Variants in RELN observed in about 807,000 individuals in gnomAD.
The protein encoded by RELN is reelin.
RELN carries 108 observed loss-of-function variants against 427.6 expected under a neutral mutation model. The observed-to-expected ratio is 0.25, with a 90% confidence interval of 0.22 to 0.30. The LOEUF (loss-of-function observed/expected upper bound fraction) is 0.30, where lower values mean the gene tolerates loss of function less well. RELN is among the 10% of genes least tolerant of loss of function. RELN has a pLI of 1.00. For synonymous variants in RELN, 1,524 were observed against 1,513.4 expected (o/e 1.01, Z -0.16); for missense variants, 3,715 against 4,302.8 (o/e 0.86, Z 3.82).
At chr7:103,652,979 G>T (rs1299641709) in intron 13 of RELN, among the ~76,000 whole-genome samples, 1 of 152,026 alleles carries the variant, frequency 6.6e-6, no homozygotes, top group South Asian at 2.1e-4. Flanking sequence ...CGAGGTGGGG[G>T]TCTCTGCGTG....
At chr7:103,717,796 A>G (rs1467381387) in intron 8 of RELN, among the ~76,000 whole-genome samples, 2 of 152,032 alleles carry the variant, frequency 1.3e-5, no homozygotes, top group African/African-American at 2.4e-5. Context: ...AAAAAATGAG[A>G]ATCTAATTTT....
chr7:103,930,673 C>T (rs1171303369), intron 1 of RELN, among the ~76,000 whole-genome samples: 1 of 152,016 alleles, frequency 6.6e-6, no homozygotes, highest in Non-Finnish European at 1.5e-5. Context: ...AGATATGTGG[C>T]CCAGGCTGGT....
At chr7:103,723,329 G>A (rs1028242783) in intron 7 of RELN, 138 bp from the exon 8 acceptor site, 5 of 667,470 alleles carry the variant, frequency 7.5e-6, no homozygotes, top group Middle Eastern at 3.0e-4. Flanking sequence ...CATTTATCCA[G>A]TTGTTAGTTC....
rs918696581 is a variant in RELN, at chr7:103,626,800, T to G, written c.2702+3140A>C. Among the ~76,000 whole-genome samples, 2 of 152,118 alleles carry G rather than the reference T, an allele frequency of 1.3e-5. No homozygotes were observed. The highest frequency in any genetic ancestry group is 3.2e-3 in the Middle Eastern group (1 of 316). On this transcript the variant is annotated intron_variant, in intron 20 of 64. Coordinates refer to ENST00000428762, the MANE Select transcript of RELN (RefSeq NM_005045.4). This position sits in a 1 kb window ranked among gnomAD's most constrained non-coding sequence, Gnocchi z 4.4. Reference sequence around the variant, plus strand: ...AGATGCAATATTTAATAAACTTCAATTAGAATTTTTCCCTTACTGATCTTA... The same window carrying G: ...AGATGCAATATTTAATAAACTTCAAGTAGAATTTTTCCCTTACTGATCTTA...
At chr7:103,729,858 C>T (rs1376468612) in intron 6 of RELN, among the ~76,000 whole-genome samples, 1 of 151,914 alleles carries the variant, frequency 6.6e-6, no homozygotes, top group Non-Finnish European at 1.5e-5. Context: ...GTTATTATTG[C>T]TAAGAATTTC....
rs1293048613 is a variant in RELN at position 103,824,641 on chromosome 7, T to C, written c.473+8896A>G. Among the ~76,000 whole-genome samples the C allele has an allele frequency of 1.7e-5, 2 of 120,938 alleles. No individual in the cohort carries two copies. Among genetic ancestry groups the C allele is most frequent in the African/African-American group, 2.9e-5 (1 of 34,484 alleles). The allele number at this position is 120,938 out of a possible 152,430, so 79.3% of individuals were successfully genotyped here. On this transcript the variant is annotated intron_variant, in intron 3 of 64. Transcript: ENST00000428762. The surrounding 1 kb of genome is among the most constrained non-coding windows in gnomAD (Gnocchi z 4.4). ...TTTCAAAACAGAGTGTGTGTGTGTG[T>C]GTGTGTGTGTGTGTGTGTGTGTGTG...
At chr7:103,630,863 T>TTG (rs1562930991) in intron 19 of RELN, among the ~76,000 whole-genome samples, 1 of 149,294 alleles carries the variant, frequency 6.7e-6, no homozygotes. Context: ...TTTTTTTGTT[T>TTG]TTTTTTTTTT....
chr7:103,782,567 T>C (rs1395165603), intron 3 of RELN, among the ~76,000 whole-genome samples: 1 of 152,060 alleles, frequency 6.6e-6, no homozygotes, highest in Admixed American at 6.6e-5. Context: ...AAAAAGAAAT[T>C]ATCCCCCACA....
At chr7:103,697,822 A>G in intron 10 of RELN, 31 bp downstream of exon 10, 1 of 1,613,218 alleles carries the variant, frequency 6.2e-7, no homozygotes, top group Non-Finnish European at 8.5e-7. Flanking sequence ...TGAAGGATTA[A>G]AACAACCCAA....
chr7:103,696,097 A>G (rs951589114), intron 10 of RELN, among the ~76,000 whole-genome samples: 14 of 152,228 alleles, frequency 9.2e-5, no homozygotes, highest in Admixed American at 2.6e-4. Context: ...CTATTATTAA[A>G]AGGAGGTGAG....
intron 8 of RELN, among the ~76,000 whole-genome samples, chr7:103,705,331 C>A (rs542694683): frequency 6.6e-6 from 1 of 152,078 alleles, no homozygotes; most frequent in East Asian, 1.9e-4. Context: ...TCGAATGACA[C>A]CACCCCAAAT....
intron 19 of RELN, among the ~76,000 whole-genome samples, chr7:103,632,438 A>G (rs1331858311): frequency 6.6e-6 from 1 of 152,198 alleles, no homozygotes; most frequent in Admixed American, 6.5e-5. Flanking sequence ...CAGAGGCACA[A>G]GGAGGTTAAA....
chr7:103,654,190 G>T lies in RELN; in HGVS notation c.1457C>A (p.Pro486His). 1 of 1,610,314 alleles carries T rather than the reference G, an allele frequency of 6.2e-7. No individual in the cohort carries two copies. Among genetic ancestry groups the T allele is most frequent in the Non-Finnish European group, 8.5e-7 (1 of 1,177,122 alleles). ...TATGTCATTTTCATGAGAATTTCCA[G>T]GGTCACAAATTCCTCCTGCACAAAA... The part of the protein sequence containing the change: ...FYFVMGGICD[P>H]GNSHENDIIL... The change falls in exon 13 of 65, where the codon CCT becomes CAT. Residue 486 changes from proline to histidine, a missense_variant. By Grantham distance (77) the Pro-to-His change is moderately conservative (BLOSUM62 -2). This residue lies in a region of RELN where 2,208 missense variants were observed against 2,361.7 expected (regional missense o/e 0.93). Transcript: ENST00000428762.
intron 8 of RELN, among the ~76,000 whole-genome samples, chr7:103,707,876 A>G (rs528201127): frequency 3.3e-5 from 5 of 152,320 alleles, no homozygotes; most frequent in African/African-American, 1.2e-4. Flanking sequence ...TAAAGTTACA[A>G]TTTTACCATA....
chr7:103,759,990 CTTTTTTTTTTTTTTTTTT>C (rs57019839), intron 4 of RELN, among the ~76,000 whole-genome samples: 7 of 64,912 alleles, frequency 1.1e-4, no homozygotes, highest in South Asian at 1.1e-3. Flanking sequence ...CACAGTCATA[CTTTTTTTTTTTTTTTTTT>C]TTTTTTTTTT....
rs1251584173 is a variant in RELN at position 103,640,041 on chromosome 7, T to C, written c.2069+502A>G. 6.6e-6 allele frequency among the ~76,000 whole-genome samples: 1 copy of C among 152,196 alleles called. No homozygotes were observed. The highest frequency in any genetic ancestry group is 1.5e-5 in the Non-Finnish European group (1 of 68,036). ...CATTGTTTTGTAAAATACTTTATAA[T>C]TTATTAAAGACTCAAATGATTTTCA... is the stretch of plus-strand genomic sequence containing the variant. On this transcript the variant is annotated intron_variant, in intron 17 of 64. Coordinates refer to ENST00000428762, the MANE Select transcript of RELN (RefSeq NM_005045.4). This position sits in a 1 kb window ranked among gnomAD's most constrained non-coding sequence, Gnocchi z 4.1.
chr7:103,865,929 A>G (rs1163061463), intron 2 of RELN, among the ~76,000 whole-genome samples: 1 of 152,152 alleles, frequency 6.6e-6, no homozygotes, highest in South Asian at 2.1e-4. Context: ...CCCTGCACTT[A>G]TAGTTAAGGT....
At chr7:103,551,321 A>G (rs769484497) in intron 40 of RELN, 25 bp from the exon 41 acceptor site, 2 of 1,525,730 alleles carry the variant, frequency 1.3e-6, no homozygotes, top group Non-Finnish European at 1.8e-6. Context: ...AAAAAATGAT[A>G]CAAATTACCT....
At chr7:103,635,315 G>A (rs183526228) in intron 19 of RELN, 110 bp downstream of exon 19, 88 of 1,167,420 alleles carry the variant, frequency 7.5e-5, no homozygotes, top group African/African-American at 7.6e-5. Context: ...ATCTTTGTGC[G>A]CTCCATCTGT....
Sources: allele counts gnomAD v4.1 joint callset (sites outside exome capture counted in the v4.1 genomes callset), GRCh38; gene constraint gnomAD v4.1.1; regional missense constraint gnomAD v4.1.1; non-coding constraint Gnocchi (gnomAD v3.1); transcripts MANE v1.5; gene names NCBI Gene and HGNC (gene_info 2026-07-23, HGNC 2026-07-21).